PTPRE: variants seen among roughly 807,000 people sequenced by gnomAD.
PTPRE encodes receptor-type tyrosine-protein phosphatase epsilon.
A neutral mutation model predicts 102.0 loss-of-function variants in PTPRE; 51 were observed. That is an observed-to-expected ratio of 0.50 (90% CI 0.40 to 0.63). The LOEUF (loss-of-function observed/expected upper bound fraction) is 0.63, where lower values mean the gene tolerates loss of function less well. Ranked by LOEUF, PTPRE falls within the 30% of genes least tolerant of loss-of-function variation. The probability of loss-of-function intolerance (pLI) is 0.00; values close to 1 mark genes in which losing one functional copy is unlikely to be tolerated. For missense variants in PTPRE, 752 were observed against 915.1 expected, an observed-to-expected ratio of 0.82 and a Z score of 2.30; for synonymous variants, 345 against 348.2, an observed-to-expected ratio of 0.99 and a Z score of 0.10.
At chr10:128,081,279 A>C (rs1851687776) in intron 20 of PTPRE, among the ~76,000 whole-genome samples, 1 of 152,202 alleles carries the variant, frequency 6.6e-6, no homozygotes, top group Non-Finnish European at 1.5e-5. Context: ...CTCAGGGAAG[A>C]CTTGCTTCCA....
In PTPRE at chr10:127,966,125, G is replaced by A. The variant is rs191344616; in HGVS notation, c.-30-16149G>A. Among the ~76,000 whole-genome samples the A allele has an allele frequency of 4.9e-3, 741 of 152,336 alleles. 4 individuals carry two copies. The highest frequency in any genetic ancestry group is 8.2e-3 in the Non-Finnish European group (558 of 68,032). On this transcript the variant is annotated intron_variant, in intron 1 of 20. Coordinates refer to ENST00000254667, the MANE Select transcript of PTPRE (RefSeq NM_006504.6). Reference sequence around the variant, plus strand: ...CAGGGCAACCCTAAAGAGAGGACAGGCATGTTTATCCTCATTTCATCCATG... The same window carrying A: ...CAGGGCAACCCTAAAGAGAGGACAGACATGTTTATCCTCATTTCATCCATG...
intron 2 of PTPRE, among the ~76,000 whole-genome samples, chr10:128,025,876 C>T (rs945148874): frequency 7.2e-5 from 11 of 152,226 alleles, no homozygotes; most frequent in Non-Finnish European, 1.3e-4. Flanking sequence ...CTGAACACAC[C>T]TGGCTTGTGT....
intron 2 of PTPRE, among the ~76,000 whole-genome samples, chr10:128,022,058 T>C (rs370033887): frequency 6.6e-6 from 1 of 152,216 alleles, no homozygotes; most frequent in African/African-American, 2.4e-5. Flanking sequence ...TGGATCCTGT[T>C]TGAAGGACGT....
intron 2 of PTPRE, chr10:128,000,042 G>A: frequency 8.9e-6 from 8 of 899,138 alleles, no homozygotes; most frequent in Non-Finnish European, 1.1e-5. Context: ...AGATTGTGAG[G>A]AAAAAATGCA....
chr10:127,996,515 C>T (rs967185620), intron 2 of PTPRE, among the ~76,000 whole-genome samples: 2 of 152,190 alleles, frequency 1.3e-5, no homozygotes, highest in Non-Finnish European at 2.9e-5. Flanking sequence ...CTGAGACTCC[C>T]CTTCAGAATG....
chr10:128,049,748 C>T (rs1377461154), intron 6 of PTPRE, 82 bp downstream of exon 6: 10 of 1,577,808 alleles, frequency 6.3e-6, no homozygotes, highest in Non-Finnish European at 8.6e-6. Flanking sequence ...GATGAATTAT[C>T]CCAAAGACTC....
chr10:128,050,227 T>C (rs904582389), intron 6 of PTPRE, among the ~76,000 whole-genome samples: 18 of 151,900 alleles, frequency 1.2e-4, no homozygotes, highest in Non-Finnish European at 2.6e-4. Context: ...GAGGGATGGA[T>C]GGATGGATGG....
chr10:127,980,131 GC>G (rs1399886943), intron 1 of PTPRE, among the ~76,000 whole-genome samples: 2 of 152,022 alleles, frequency 1.3e-5, no homozygotes, highest in African/African-American at 4.8e-5. Flanking sequence ...ATCATTTCTT[GC>G]CCAAAAACCA....
At chr10:128,034,329 C>CT (rs1284054818) in intron 2 of PTPRE, among the ~76,000 whole-genome samples, 1 of 151,902 alleles carries the variant, frequency 6.6e-6, no homozygotes, top group Non-Finnish European at 1.5e-5. Context: ...CACACCACCC[C>CT]CCCCACCGAC....
intron 3 of PTPRE, among the ~76,000 whole-genome samples, chr10:128,041,497 A>G (rs1847691334): frequency 6.6e-6 from 1 of 151,834 alleles, no homozygotes; most frequent in African/African-American, 2.4e-5. Context: ...AAAGTACAAA[A>G]ATTAGCTGGG....
At chr10:128,013,542 G>T (rs1564883035) in intron 2 of PTPRE, among the ~76,000 whole-genome samples, 1 of 152,154 alleles carries the variant, frequency 6.6e-6, no homozygotes, top group Non-Finnish European at 1.5e-5. Flanking sequence ...GCTATGATCT[G>T]AATGTCTGTG....
chr10:128,072,084 G>A, intron 15 of PTPRE, 54 bp from the exon 16 acceptor site: 7 of 1,509,144 alleles, frequency 4.6e-6, no homozygotes, highest in Non-Finnish European at 6.4e-6. Context: ...ATGGATTAAA[G>A]TTAGCAAGGT....
intron 2 of PTPRE, 95 bp downstream of exon 2, chr10:127,982,391 T>C: frequency 1.1e-6 from 1 of 914,888 alleles, no homozygotes; most frequent in Non-Finnish European, 1.5e-6. Context: ...CATTGTTTTC[T>C]TGAGAAAGAA....
chr10:128,047,638 G>A (rs71474240), intron 4 of PTPRE, 126 bp from the exon 5 acceptor site: 163,415 of 1,614,018 alleles, frequency 0.1, 10,068 homozygotes, highest in East Asian at 0.23. Flanking sequence ...AGGCCTTAGC[G>A]CGGCTCAGCC....
intron 1 of PTPRE, among the ~76,000 whole-genome samples, chr10:127,955,882 A>C (rs1849366329): frequency 6.6e-6 from 1 of 152,104 alleles, no homozygotes; most frequent in African/African-American, 2.4e-5. Context: ...AGAGAGAGAG[A>C]AGGGGAAAGT....
intron 2 of PTPRE, among the ~76,000 whole-genome samples, chr10:128,011,308 C>T (rs1844989034): frequency 1.3e-5 from 2 of 152,106 alleles, no homozygotes; most frequent in Admixed American, 1.3e-4. Context: ...TGTAACACGG[C>T]GAGTGAATGG....
rs186084087 is a variant in PTPRE at position 127,961,682 on chromosome 10, G to C, written c.-30-20592G>C. 6.6e-4 allele frequency among the ~76,000 whole-genome samples: 101 copies of C among 152,272 alleles called. 1 individual carries two copies. The highest frequency in any genetic ancestry group is 2.1e-3 in the South Asian group (10 of 4,824). On this transcript the variant is annotated intron_variant, in intron 1 of 20. Coordinates refer to ENST00000254667, the MANE Select transcript of PTPRE (RefSeq NM_006504.6). ...CCGCTAGGACTGGCTGTCCTTTACT[G>C]TGTGACTCTCCCCAGCGTCTTGTCT... is the stretch of plus-strand genomic sequence containing the variant.
intron 19 of PTPRE, among the ~76,000 whole-genome samples, chr10:128,078,226 T>C (rs1473355209): frequency 6.6e-6 from 1 of 152,190 alleles, no homozygotes; most frequent in African/African-American, 2.4e-5. Context: ...GAGTCCCAAC[T>C]GGGATTGTAG....
chr10:127,991,670 C>T (rs1262361805), intron 2 of PTPRE, among the ~76,000 whole-genome samples: 2 of 152,298 alleles, frequency 1.3e-5, no homozygotes, highest in South Asian at 2.1e-4. Context: ...TGGGAAGTCG[C>T]GTGGGAGGTT....
Sources: gnomAD v4.1 joint callset for allele counts (sites outside exome capture counted in the v4.1 genomes callset) on GRCh38, gnomAD v4.1.1 for gene constraint, MANE v1.5 for transcripts, NCBI Gene and HGNC (gene_info 2026-07-23, HGNC 2026-07-21) for gene names.